The following ADAD1 variants were observed in gnomAD, a reference collection of about 807,000 sequenced individuals.
ADAD1 encodes adenosine deaminase domain-containing protein 1.
In ADAD1, 46 loss-of-function variants were observed where a neutral mutation model predicts 66.8. The ratio of observed to expected loss-of-function variants is 0.69; its 90% CI spans 0.54 to 0.88. The LOEUF (loss-of-function observed/expected upper bound fraction) is 0.88. Ranked by LOEUF, ADAD1 falls within the 40% of genes least tolerant of loss-of-function variation. The pLI, the probability that ADAD1 is intolerant of heterozygous loss-of-function variation, is 0.00. For synonymous variants in ADAD1, 248 were observed against 229.4 expected (o/e 1.08, Z -0.73); for missense variants, 617 against 681.8 (o/e 0.91, Z 1.06).
chr4:122,411,523 T>C, intron 9 of ADAD1, 131 bp downstream of exon 9: 2 of 923,014 alleles, frequency 2.2e-6, no homozygotes, highest in Non-Finnish European at 3.2e-6. Context: ...TTGTTATTTG[T>C]GGCCTGCAGG....
intron 7 of ADAD1, among the ~76,000 whole-genome samples, chr4:122,401,963 G>A (rs1365283981): frequency 1.3e-5 from 2 of 152,118 alleles, no homozygotes; most frequent in East Asian, 1.9e-4. Flanking sequence ...TATCTTTTAA[G>A]TGGAGCATTT....
At chr4:122,429,546 T>C in intron 12 of ADAD1, 80 bp from the exon 13 acceptor site, 1 of 733,228 alleles carries the variant, frequency 1.4e-6, no homozygotes. Context: ...AATTTCAAGC[T>C]AAAGAAACAG....
intron 5 of ADAD1, among the ~76,000 whole-genome samples, chr4:122,389,601 A>G (rs1580745652): frequency 6.6e-6 from 1 of 152,172 alleles, no homozygotes; most frequent in African/African-American, 2.4e-5. Context: ...TCCCTTTACC[A>G]TTAGGTAATG....
intron 12 of ADAD1, among the ~76,000 whole-genome samples, chr4:122,424,903 TAAC>T (rs1417668246): frequency 2.6e-5 from 4 of 152,172 alleles, no homozygotes; most frequent in East Asian, 1.9e-4. Flanking sequence ...ATGTAAATGA[TAAC>T]AAGACAGCTG....
At chr4:122,381,461 T>A (rs561435870) in intron 4 of ADAD1, among the ~76,000 whole-genome samples, 1 of 152,354 alleles carries the variant, frequency 6.6e-6, no homozygotes, top group Admixed American at 6.5e-5. Context: ...AATTACTTCC[T>A]GTATCATAAA....
intron 7 of ADAD1, among the ~76,000 whole-genome samples, chr4:122,398,328 G>A (rs1308100293): frequency 6.7e-6 from 1 of 149,608 alleles, no homozygotes; most frequent in Non-Finnish European, 1.5e-5. Flanking sequence ...GTGTGTGTGT[G>A]TGTGTGTGTG....
At chr4:122,382,539 C>T (rs1794956176) in intron 4 of ADAD1, among the ~76,000 whole-genome samples, 1 of 152,096 alleles carries the variant, frequency 6.6e-6, no homozygotes, top group East Asian at 1.9e-4. Flanking sequence ...CCCAGCCTCC[C>T]AAATAGCTAA....
intron 12 of ADAD1, among the ~76,000 whole-genome samples, chr4:122,427,285 A>G (rs1014265944): frequency 1.3e-5 from 2 of 152,212 alleles, no homozygotes; most frequent in African/African-American, 4.8e-5. Context: ...AGAGGAATAA[A>G]TTTAACAAAA....
intron 5 of ADAD1, among the ~76,000 whole-genome samples, chr4:122,390,052 G>T (rs894558704): frequency 1.3e-5 from 2 of 152,154 alleles, no homozygotes; most frequent in Non-Finnish European, 2.9e-5. Context: ...GGGCACATCT[G>T]GTGGTAATGA....
At chr4:122,416,639 A>C (rs1796747960) in intron 11 of ADAD1, among the ~76,000 whole-genome samples, 1 of 152,070 alleles carries the variant, frequency 6.6e-6, no homozygotes, top group South Asian at 2.1e-4. Flanking sequence ...AGGCTGAGAC[A>C]GGAGGATCAC....
intron 10 of ADAD1, 96 bp from the exon 11 acceptor site, chr4:122,415,283 A>C: frequency 1.1e-6 from 1 of 940,796 alleles, no homozygotes; most frequent in Non-Finnish European, 1.6e-6. Flanking sequence ...TAAAGGATAG[A>C]GAAATGGGCT....
At chr4:122,380,962 C>T in intron 3 of ADAD1, 30 bp from the exon 4 acceptor site, 1 of 1,546,340 alleles carries the variant, frequency 6.5e-7, no homozygotes, top group Admixed American at 2.4e-5. Context: ...TGTTTTAAAC[C>T]AAATTGACAA....
At chr4:122,392,558 G>C (rs1795499858) in intron 5 of ADAD1, among the ~76,000 whole-genome samples, 1 of 152,152 alleles carries the variant, frequency 6.6e-6, no homozygotes, top group Non-Finnish European at 1.5e-5. Flanking sequence ...ACTACTAAAG[G>C]GTGGAGGGAG....
chr4:122,389,253 C>T (rs1026155610), intron 5 of ADAD1, among the ~76,000 whole-genome samples: 1 of 152,082 alleles, frequency 6.6e-6, no homozygotes, highest in African/African-American at 2.4e-5. Context: ...AGTTCTTTTG[C>T]ATTTGCTGAG....
chr4:122,390,339 G>T (rs1194661198), intron 5 of ADAD1, among the ~76,000 whole-genome samples: 2 of 152,046 alleles, frequency 1.3e-5, no homozygotes, highest in Non-Finnish European at 2.9e-5. Context: ...ATGTGTCTTG[G>T]GGTTGATCTT....
At chr4:122,408,165 T>A in intron 8 of ADAD1, 134 bp downstream of exon 8, 1 of 921,166 alleles carries the variant, frequency 1.1e-6, no homozygotes, top group Non-Finnish European at 1.5e-6. Flanking sequence ...CTTATCTAAG[T>A]CATCGGATTA....
intron 11 of ADAD1, 128 bp downstream of exon 11, chr4:122,415,744 A>AC: frequency 4.6e-6 from 4 of 870,866 alleles, no homozygotes; most frequent in Non-Finnish European, 6.9e-6. Context: ...ATCATTAGTC[A>AC]AGTGTGACTA....
At chr4:122,425,210 A>T (rs1413372450) in intron 12 of ADAD1, among the ~76,000 whole-genome samples, 1 of 152,036 alleles carries the variant, frequency 6.6e-6, no homozygotes, top group Non-Finnish European at 1.5e-5. Flanking sequence ...AAACTCACTG[A>T]CCTGTAGAAA....
chr4:122,413,339 T>C (rs77838234), intron 10 of ADAD1, among the ~76,000 whole-genome samples: 1 of 152,270 alleles, frequency 6.6e-6, no homozygotes, highest in East Asian at 1.9e-4. Context: ...TTTATGGTGG[T>C]GGAATTTTTA....
Sources: gnomAD v4.1 joint callset for allele counts (sites outside exome capture counted in the v4.1 genomes callset) on GRCh38, gnomAD v4.1.1 for gene constraint, MANE v1.5 for transcripts, NCBI Gene and HGNC (gene_info 2026-07-23, HGNC 2026-07-21) for gene names.